Variants in OPHN1 observed in about 807,000 individuals in gnomAD.
OPHN1 encodes oligophrenin 1, also known as oligophrenin-1.
In OPHN1, 11 loss-of-function variants were observed where a neutral mutation model predicts 60.7. The observed-to-expected ratio is 0.18, with a 90% CI of 0.11 to 0.30. The LOEUF is 0.30. OPHN1 is among the 10% of genes least tolerant of loss of function. The probability of loss-of-function intolerance (pLI) is 1.00; values close to 1 mark genes in which losing one functional copy is unlikely to be tolerated. For missense variants in OPHN1, 449 were observed against 611.0 expected (o/e 0.73, Z 2.80); for synonymous variants, 226 against 222.6 (o/e 1.02, Z -0.14).
intron 15 of OPHN1, among the ~76,000 whole-genome samples, chrX:68,121,233 A>G (rs1316803543): frequency 1.8e-5 from 2 of 112,356 alleles, no homozygotes; most frequent in East Asian, 5.6e-4. Flanking sequence ...ACATTGGCAA[A>G]CCATAAATCT....
At chrX:68,049,969 T>A (rs1927230) in intron 23 of OPHN1, among the ~76,000 whole-genome samples, 3 of 111,556 alleles carry the variant, frequency 2.7e-5, no homozygotes, top group Non-Finnish European at 5.6e-5. Context: ...AAGGGGGTGA[T>A]GTCATTCAAA....
At chrX:68,157,161 CTT>C (rs780114460) in intron 15 of OPHN1, among the ~76,000 whole-genome samples, 1 of 111,813 alleles carries the variant, frequency 8.9e-6, no homozygotes, top group African/African-American at 3.2e-5. Context: ...CACTAGCTAT[CTT>C]TCAAATCCTC....
intron 16 of OPHN1, 58 bp downstream of exon 16, chrX:68,119,190 C>T: frequency 1.1e-6 from 1 of 879,042 alleles, no homozygotes; most frequent in Non-Finnish European, 1.7e-6. Flanking sequence ...CTCCGCTCAA[C>T]ACCCAGAGAA....
rs775326231 is a variant in OPHN1 at position 68,134,129 on chromosome X, C to T, written c.1277-14797G>A. Among the ~76,000 whole-genome samples the T allele has an allele frequency of 6.4e-5, 7 of 109,857 alleles. No individual in the cohort carries two copies. The South Asian group carries it at 1.2e-3, about 19-fold the overall frequency. Reference sequence around the variant, plus strand: ...GGCAGAGGTTGCAGTGAGCCAAGATCGCGCCATTGTACTCCAGCCTGGGTG... The same window carrying T: ...GGCAGAGGTTGCAGTGAGCCAAGATTGCGCCATTGTACTCCAGCCTGGGTG... On this transcript the variant is annotated intron_variant, in intron 15 of 24. Transcript: ENST00000355520.
intron 2 of OPHN1, among the ~76,000 whole-genome samples, chrX:68,316,218 A>T (rs2078198627): frequency 9.0e-6 from 1 of 111,338 alleles, no homozygotes; most frequent in Non-Finnish European, 1.9e-5. Context: ...AGACAAATCC[A>T]CAATTACAAT....
chrX:68,392,727 GAGAA>G (rs2078659612), intron 2 of OPHN1, among the ~76,000 whole-genome samples: 1 of 109,213 alleles, frequency 9.2e-6, no homozygotes, highest in Admixed American at 9.9e-5. Context: ...CAATGCAGCA[GAGAA>G]AGAGAGAACA....
At position 68,264,954 on chromosome X, in the gene OPHN1, C is replaced by G. The variant is rs769728441; in HGVS notation, c.384+9784G>C. On this transcript the variant is annotated intron_variant, in intron 5 of 24. Coordinates refer to ENST00000355520, the MANE Select transcript of OPHN1 (RefSeq NM_002547.3). ...GCTAGCACAGCAGTCTGAGATCAAACTGCAAGGCAGCAGCGAGGCTGGGGG... is the reference window on the plus strand; with the variant it reads ...GCTAGCACAGCAGTCTGAGATCAAAGTGCAAGGCAGCAGCGAGGCTGGGGG... Among the ~76,000 whole-genome samples the G allele has an allele frequency of 2.1e-3, 237 of 112,578 alleles. 1 individual carries two copies. Among genetic ancestry groups the G allele is most frequent in the African/African-American group, 7.1e-3 (222 of 31,115 alleles).
chrX:68,426,561 T>TAG lies in OPHN1; in HGVS notation c.154+6305_154+6306insCT, dbSNP rs2078857944. 2.8e-5 allele frequency among the ~76,000 whole-genome samples: 2 copies of TAG among 71,974 alleles called. 1 individual carries two copies. The highest frequency in any genetic ancestry group is 1.0e-3 in the East Asian group (2 of 1,911). The allele number at this position is 71,974 out of a possible 115,157, so 62.5% of individuals were successfully genotyped here. ...TTTTCTGACATCTGTTTTATATATA[T>TAG]ATATATATACATACACAGAGGCTGG... On this transcript the variant is annotated intron_variant, in intron 2 of 24. Transcript: ENST00000355520.
chrX:68,221,997 C>G (rs1326387538), intron 6 of OPHN1, among the ~76,000 whole-genome samples: 22 of 108,267 alleles, frequency 2.0e-4, no homozygotes, highest in Non-Finnish European at 3.6e-4. Context: ...AGGCAACCTA[C>G]AAAATGGGAG....
intron 5 of OPHN1, among the ~76,000 whole-genome samples, chrX:68,261,613 G>A (rs2077894093): frequency 9.0e-6 from 1 of 111,459 alleles, no homozygotes; most frequent in Non-Finnish European, 1.9e-5. Flanking sequence ...TTTGAGAGGT[G>A]GGAGGGATAG....
At chrX:68,217,069 G>A (rs1033349926) in intron 6 of OPHN1, among the ~76,000 whole-genome samples, 2 of 111,300 alleles carry the variant, frequency 1.8e-5, no homozygotes, top group East Asian at 5.8e-4. Flanking sequence ...CAGTGGGTGC[G>A]CGCACCGTGC....
At chrX:68,092,645 G>A (rs1250354263) in intron 19 of OPHN1, among the ~76,000 whole-genome samples, 1 of 110,970 alleles carries the variant, frequency 9.0e-6, no homozygotes, top group Non-Finnish European at 1.9e-5. Context: ...TAATAGAAAT[G>A]GCCTCCTATT....
chrX:68,286,164 C>A (rs1381254656), intron 3 of OPHN1, among the ~76,000 whole-genome samples: 1 of 111,422 alleles, frequency 9.0e-6, no homozygotes, highest in Non-Finnish European at 1.9e-5. Context: ...GAACTCCTCT[C>A]TTTCCCCAGA....
chrX:68,309,425 T>G (rs1476817793), intron 2 of OPHN1, among the ~76,000 whole-genome samples: 2 of 111,237 alleles, frequency 1.8e-5, no homozygotes, highest in East Asian at 5.6e-4. Context: ...CATAGCAAAC[T>G]GAGAAAGCAA....
chrX:68,216,730 A>C (rs2077611218), intron 6 of OPHN1, among the ~76,000 whole-genome samples: 1 of 111,835 alleles, frequency 8.9e-6, no homozygotes, highest in African/African-American at 3.3e-5. Flanking sequence ...ATATTCACAA[A>C]CTGTACAGCT....
intron 12 of OPHN1, 64 bp downstream of exon 12, chrX:68,197,122 C>A: frequency 1.3e-6 from 1 of 796,614 alleles, no homozygotes. Context: ...CCCACTGATA[C>A]CACTAGAGGG....
chrX:68,275,615 A>G (rs11094080), intron 4 of OPHN1, among the ~76,000 whole-genome samples: 6,122 of 111,370 alleles, frequency 0.055, 411 homozygotes, highest in African/African-American at 0.19. Context: ...GAATCATTGC[A>G]TTAATTTTTA....
intron 2 of OPHN1, among the ~76,000 whole-genome samples, chrX:68,362,828 A>G (rs1273796865): frequency 3.6e-5 from 4 of 111,818 alleles, no homozygotes; most frequent in African/African-American, 1.3e-4. Context: ...TGGTTCATCA[A>G]TTGTAACAAA....
At chrX:68,340,143 T>C (rs1023313407) in intron 2 of OPHN1, among the ~76,000 whole-genome samples, 8 of 112,205 alleles carry the variant, frequency 7.1e-5, no homozygotes, top group African/African-American at 2.6e-4. Flanking sequence ...TTCCCTCAAA[T>C]TGTTCTACGG....
Sources: allele counts gnomAD v4.1 joint callset (sites outside exome capture counted in the v4.1 genomes callset), GRCh38; gene constraint gnomAD v4.1.1; transcripts MANE v1.5; gene names NCBI Gene and HGNC (gene_info 2026-07-23, HGNC 2026-07-21).